The following ENTREP2 variants were observed in gnomAD, a reference collection of about 807,000 sequenced individuals.
ENTREP2 encodes endosomal transmembrane epsin interactor 2.
chr15:29,602,316 T>A, the ENTREP2 span, among the ~76,000 whole-genome samples: 1 of 152,210 alleles, frequency 6.6e-6, no homozygotes, highest in African/African-American at 2.4e-5. Flanking sequence ...GAGAAAGAAC[T>A]GTGTAGATGT....
chr15:29,431,110 A>C, the ENTREP2 span, among the ~76,000 whole-genome samples: 1 of 152,134 alleles, frequency 6.6e-6, no homozygotes. Flanking sequence ...TACCTGTTTA[A>C]TCCTCACAAG....
the ENTREP2 span, among the ~76,000 whole-genome samples, chr15:29,215,792 G>A: frequency 7.9e-5 from 12 of 152,038 alleles, no homozygotes; most frequent in Admixed American, 3.3e-4. Flanking sequence ...GTCCTTATGT[G>A]TTGGGTGAGT....
chr15:29,135,448 T>C, the ENTREP2 span, among the ~76,000 whole-genome samples: 2 of 151,866 alleles, frequency 1.3e-5, no homozygotes, highest in South Asian at 2.1e-4. The surrounding 1 kb of genome is among the most constrained non-coding windows in gnomAD (Gnocchi z 7.4). Context: ...CCTTGCACTA[T>C]GGGCCACGTG....
the ENTREP2 span, among the ~76,000 whole-genome samples, chr15:29,543,109 C>T: frequency 6.6e-6 from 1 of 151,814 alleles, no homozygotes; most frequent in Non-Finnish European, 1.5e-5. Context: ...TTTAATGAGA[C>T]TCTCTACATG....
chr15:29,194,164 G>T, the ENTREP2 span, among the ~76,000 whole-genome samples: 1 of 152,220 alleles, frequency 6.6e-6, no homozygotes, highest in African/African-American at 2.4e-5. Context: ...AGACAATTCT[G>T]AAAAGCAACA....
chr15:29,608,548 T>TATTATTATTATTATC, the ENTREP2 span, among the ~76,000 whole-genome samples: 1 of 144,492 alleles, frequency 6.9e-6, no homozygotes, highest in Non-Finnish European at 1.5e-5. Flanking sequence ...TTATTATTAT[T>TATTATTATTATTATC]ATTTATTTAT....
At chr15:29,185,026 G>A in the ENTREP2 span, among the ~76,000 whole-genome samples, 1 of 151,138 alleles carries the variant, frequency 6.6e-6, no homozygotes, top group African/African-American at 2.4e-5. Flanking sequence ...CATGCAGTAA[G>A]CCAAGATGAT....
chr15:29,119,160 T>G, the ENTREP2 span, among the ~76,000 whole-genome samples: 2 of 152,216 alleles, frequency 1.3e-5, no homozygotes, highest in African/African-American at 2.4e-5. Context: ...TGCCTCCCTC[T>G]TCCCAGAAAG....
the ENTREP2 span, among the ~76,000 whole-genome samples, chr15:29,144,449 C>T: frequency 6.6e-6 from 1 of 152,210 alleles, no homozygotes; most frequent in Admixed American, 6.5e-5. Flanking sequence ...TAAAGAAGGG[C>T]CGCGCATGGT....
the ENTREP2 span, among the ~76,000 whole-genome samples, chr15:29,447,849 G>C: frequency 6.6e-6 from 1 of 151,964 alleles, no homozygotes; most frequent in Non-Finnish European, 1.5e-5. Flanking sequence ...GATTACCTGA[G>C]GTCAGGAGTT....
At chr15:29,134,515 C>A in the ENTREP2 span, among the ~76,000 whole-genome samples, 1 of 152,180 alleles carries the variant, frequency 6.6e-6, no homozygotes. Flanking sequence ...CCACCACAAG[C>A]CACCCTGAAG....
chr15:29,638,636 G>A, the ENTREP2 span, among the ~76,000 whole-genome samples: 1 of 152,230 alleles, frequency 6.6e-6, no homozygotes, highest in Admixed American at 6.5e-5. Context: ...CAGCAGTTTA[G>A]GAGGCTGAAG....
chr15:29,529,295 C>G, the ENTREP2 span, among the ~76,000 whole-genome samples: 1 of 131,918 alleles, frequency 7.6e-6, no homozygotes, highest in African/African-American at 2.8e-5. Context: ...AGTAAAGGCA[C>G]AGGAAGGCTA....
At chr15:29,390,424 GA>G in the ENTREP2 span, among the ~76,000 whole-genome samples, 1 of 151,464 alleles carries the variant, frequency 6.6e-6, no homozygotes, top group Non-Finnish European at 1.5e-5. Flanking sequence ...AATAGCTGTG[GA>G]AAAAAAGCCA....
the ENTREP2 span, among the ~76,000 whole-genome samples, chr15:29,643,460 G>A: frequency 1.1e-4 from 17 of 151,996 alleles, no homozygotes; most frequent in African/African-American, 3.9e-4. Context: ...ATCTAGACTC[G>A]AAAATACAAG....
chr15:29,119,957 A>C, the ENTREP2 span, among the ~76,000 whole-genome samples: 3 of 152,228 alleles, frequency 2.0e-5, no homozygotes, highest in African/African-American at 4.8e-5. Context: ...CCTGTATTTA[A>C]GGAAACATCT....
At chr15:29,463,060 T>C in the ENTREP2 span, among the ~76,000 whole-genome samples, 1 of 152,110 alleles carries the variant, frequency 6.6e-6, no homozygotes, top group African/African-American at 2.4e-5. Context: ...AACAGCCTTT[T>C]CAAAGCCTTA....
chr15:29,193,564 T>G, the ENTREP2 span, among the ~76,000 whole-genome samples: 1 of 152,178 alleles, frequency 6.6e-6, no homozygotes, highest in African/African-American at 2.4e-5. Context: ...AACTCCCAGC[T>G]TTCCAGGGTC....
the ENTREP2 span, among the ~76,000 whole-genome samples, chr15:29,411,257 T>C: frequency 1.3e-5 from 2 of 152,226 alleles, no homozygotes; most frequent in Admixed American, 6.5e-5. Context: ...TGTTCAGCTA[T>C]AGAAAAGAAT....
Sources: allele counts gnomAD v4.1 joint callset (sites outside exome capture counted in the v4.1 genomes callset), GRCh38; gene constraint gnomAD v4.1.1; non-coding constraint Gnocchi (gnomAD v3.1); transcripts MANE v1.5; gene names NCBI Gene and HGNC (gene_info 2026-07-23, HGNC 2026-07-21).